Variants in AGMO observed in about 807,000 individuals in gnomAD.
AGMO encodes glyceryl-ether monooxygenase.
Under a neutral mutation model 60.2 loss-of-function variants are expected in AGMO, and 75 were observed. The ratio of observed to expected loss-of-function variants is 1.25; its 90% CI spans 1.03 to 1.51. The LOEUF (loss-of-function observed/expected upper bound fraction) is 1.51. Among genes scored for constraint, AGMO ranks in the 40% most tolerant of loss-of-function variants. The pLI is 0.00. For missense variants in AGMO, 763 were observed against 525.5 expected (o/e 1.45, Z -4.42); for synonymous variants, 261 against 177.1 (o/e 1.47, Z -3.76).
intron 12 of AGMO, among the ~76,000 whole-genome samples, chr7:15,352,327 C>T (rs1782271447): frequency 1.3e-5 from 2 of 152,126 alleles, no homozygotes; most frequent in Admixed American, 6.6e-5. Context: ...TGGAAAATTC[C>T]TTCTCAGATT....
chr7:15,523,116 A>G (rs1784045290), intron 3 of AGMO, among the ~76,000 whole-genome samples: 1 of 152,256 alleles, frequency 6.6e-6, no homozygotes, highest in East Asian at 1.9e-4. Context: ...TGGTCATTAG[A>G]AAAATGCAAA....
Position 15,365,685 on chromosome 7 carries a change from AT to A in AGMO, c.1158-67del. The stretch of plus-strand genomic sequence containing the variant: ...GCTCTTTATATGTTCACATGTTATA[AT>A]TAATATAAACTTCTCATTCTCAAGA... On this transcript the variant is annotated intron_variant, in intron 11 of 12. Transcript: ENST00000342526. The A allele has an allele frequency of 2.8e-6, 3 of 1,078,114 alleles. No individual in the cohort carries two copies. The South Asian group carries it at 4.4e-5, about 16-fold the overall frequency. 66.8% of individuals were successfully genotyped at this position (1,078,114 alleles called of 1,614,324 possible).
At chr7:15,191,502 C>A in the AGMO span, among the ~76,000 whole-genome samples, 2 of 152,252 alleles carry the variant, frequency 1.3e-5, no homozygotes, top group Non-Finnish European at 2.9e-5. Flanking sequence ...ATGACCCAGT[C>A]AGATGACATA....
chr7:15,176,372 G>C, the AGMO span, among the ~76,000 whole-genome samples: 7 of 151,782 alleles, frequency 4.6e-5, no homozygotes, highest in Admixed American at 4.6e-4. Context: ...ACGTAAATAT[G>C]CCAAATTTTT....
chr7:15,270,755 T>C (rs1183663912), intron 12 of AGMO, among the ~76,000 whole-genome samples: 2 of 151,546 alleles, frequency 1.3e-5, no homozygotes, highest in Non-Finnish European at 2.9e-5. Context: ...CAGAAGAGTT[T>C]TTCCTAAGTT....
chr7:15,381,116 A>G (rs1783667484), intron 10 of AGMO, among the ~76,000 whole-genome samples: 1 of 152,152 alleles, frequency 6.6e-6, no homozygotes, highest in East Asian at 1.9e-4. Context: ...GACACAGACA[A>G]AAACAAAGAT....
the AGMO span, among the ~76,000 whole-genome samples, chr7:15,168,884 T>C: frequency 1.3e-5 from 2 of 152,202 alleles, no homozygotes; most frequent in Non-Finnish European, 2.9e-5. Flanking sequence ...GCCACTCTCA[T>C]TGGAGAAATT....
chr7:15,244,572 G>C (rs1027411103), intron 12 of AGMO, among the ~76,000 whole-genome samples: 1 of 152,154 alleles, frequency 6.6e-6, no homozygotes, highest in African/African-American at 2.4e-5. Flanking sequence ...TAAACAGATT[G>C]ATGATGAGAC....
intron 12 of AGMO, among the ~76,000 whole-genome samples, chr7:15,335,553 C>T (rs1191191205): frequency 1.3e-5 from 2 of 152,100 alleles, no homozygotes; most frequent in Non-Finnish European, 2.9e-5. Flanking sequence ...GGATAGAAAT[C>T]CGTCACCTGG....
intron 12 of AGMO, among the ~76,000 whole-genome samples, chr7:15,280,363 G>A (rs986685788): frequency 4.6e-5 from 7 of 152,150 alleles, no homozygotes. Context: ...CTTCACAGCA[G>A]AGGCAGCTGC....
intron 3 of AGMO, among the ~76,000 whole-genome samples, chr7:15,544,300 C>A (rs1784711745): frequency 6.6e-6 from 1 of 151,940 alleles, no homozygotes; most frequent in South Asian, 2.1e-4. Flanking sequence ...GCACCACAGT[C>A]TCGGAAATCA....
At chr7:15,136,940 G>A in the AGMO span, among the ~76,000 whole-genome samples, 1 of 152,092 alleles carries the variant, frequency 6.6e-6, no homozygotes, top group Non-Finnish European at 1.5e-5. Flanking sequence ...TGTTCTCTAG[G>A]TTCCATGACT....
intron 12 of AGMO, among the ~76,000 whole-genome samples, chr7:15,320,842 A>G (rs1781087121): frequency 6.6e-6 from 1 of 152,244 alleles, no homozygotes; most frequent in Admixed American, 6.5e-5. Context: ...TATGTTTAAC[A>G]TAATTTTCAA....
intron 2 of AGMO, among the ~76,000 whole-genome samples, chr7:15,554,770 A>G (rs1194672387): frequency 6.6e-6 from 1 of 152,092 alleles, no homozygotes; most frequent in Non-Finnish European, 1.5e-5. Flanking sequence ...TAATCAATAA[A>G]TCAGAAATAA....
At chr7:15,553,658 C>A (rs1001372086) in intron 2 of AGMO, among the ~76,000 whole-genome samples, 5 of 151,926 alleles carry the variant, frequency 3.3e-5, no homozygotes, top group Non-Finnish European at 7.4e-5. Context: ...CATTAAGATA[C>A]CAAGATCTCA....
At chr7:15,159,655 A>AC in the AGMO span, among the ~76,000 whole-genome samples, 1 of 152,218 alleles carries the variant, frequency 6.6e-6, no homozygotes, top group Non-Finnish European at 1.5e-5. Flanking sequence ...TCCCACTGTC[A>AC]CAATATATAG....
At chr7:15,165,551 A>C in the AGMO span, among the ~76,000 whole-genome samples, 1 of 152,196 alleles carries the variant, frequency 6.6e-6, no homozygotes, top group Non-Finnish European at 1.5e-5. Flanking sequence ...CAAATGACAT[A>C]GATGATAAAG....
In AGMO at chr7:15,561,983, G is replaced by A; in HGVS notation, c.-138C>T. ...ACAGCTAAAACCAAAGCTCCACTGA[G>A]AGCACACTCAACAGCCGATTCTGTG... On this transcript the variant is annotated 5_prime_UTR_variant, in exon 1 of 13. Coordinates refer to ENST00000342526, the MANE Select transcript of AGMO (RefSeq NM_001004320.2). The A allele has an allele frequency of 4.9e-6, 4 of 816,260 alleles. No individual in the cohort carries two copies. Among genetic ancestry groups the A allele is most frequent in the Admixed American group, 2.9e-5 (1 of 34,112 alleles). The allele number at this position is 816,260 out of a possible 1,614,324, so 50.6% of individuals were successfully genotyped here.
rs892528899 is a variant in AGMO, at chr7:15,394,009, T to C, written c.676+104A>G. On this transcript the variant is annotated intron_variant, in intron 6 of 12. Transcript: ENST00000342526. The stretch of plus-strand genomic sequence containing the variant: ...GAAACTATTATTTATTTGTAAAATG[T>C]GTGCTGACTATATTGGGAAATTGTG... 1.7e-5 allele frequency: 14 copies of C among 833,010 alleles called. No homozygotes were observed. The African/African-American group carries it at 2.1e-4, about 13-fold the overall frequency. 51.6% of individuals were successfully genotyped at this position (833,010 alleles called of 1,614,324 possible).
Sources: gnomAD v4.1 joint callset for allele counts (sites outside exome capture counted in the v4.1 genomes callset) on GRCh38, gnomAD v4.1.1 for gene constraint, MANE v1.5 for transcripts, NCBI Gene and HGNC (gene_info 2026-07-23, HGNC 2026-07-21) for gene names.